Variants in DLGAP2 observed in about 807,000 individuals in gnomAD.
DLGAP2 encodes DLG associated protein 2.
A neutral mutation model predicts 100.3 loss-of-function variants in DLGAP2; 26 were observed. That is an observed-to-expected ratio of 0.26 (90% CI 0.19 to 0.36). The LOEUF (loss-of-function observed/expected upper bound fraction) is 0.36. Among genes scored for constraint, DLGAP2 ranks in the 10% least tolerant of loss-of-function variants. The pLI is 1.00. For missense variants in DLGAP2, 1,858 were observed against 1,453.2 expected (o/e 1.28, Z -4.53); for synonymous variants, 886 against 630.1 (o/e 1.41, Z -6.08).
At chr8:1,312,416 A>G (rs550508087) in intron 3 of DLGAP2, among the ~76,000 whole-genome samples, 9 of 152,342 alleles carry the variant, frequency 5.9e-5, no homozygotes, top group Non-Finnish European at 1.3e-4. Context: ...ATTTGACAAC[A>G]TCTTTGCAAA....
chr8:1,329,721 C>A (rs1396933888), intron 3 of DLGAP2, among the ~76,000 whole-genome samples: 1 of 152,190 alleles, frequency 6.6e-6, no homozygotes, highest in African/African-American at 2.4e-5. Context: ...CACCTTCTAA[C>A]AGCAGAGACC....
intron 1 of DLGAP2, among the ~76,000 whole-genome samples, chr8:885,030 T>C (rs950347904): frequency 1.3e-5 from 2 of 152,246 alleles, no homozygotes; most frequent in African/African-American, 4.8e-5. Context: ...TTTTGGTTAC[T>C]GTAGCCTTGT....
chr8:1,119,536 G>T (rs1795986714), intron 2 of DLGAP2, among the ~76,000 whole-genome samples: 1 of 152,210 alleles, frequency 6.6e-6, no homozygotes, highest in Admixed American at 6.5e-5. Flanking sequence ...GCAGATCGGG[G>T]TAGCAGGGGC....
At chr8:1,596,671 C>A (rs1034835561) in intron 6 of DLGAP2, among the ~76,000 whole-genome samples, 2 of 152,140 alleles carry the variant, frequency 1.3e-5, no homozygotes, top group Non-Finnish European at 2.9e-5. Flanking sequence ...TAAATGTCTT[C>A]TTCTGAGAAA....
At chr8:1,373,104 C>T (rs1404266349) in intron 3 of DLGAP2, among the ~76,000 whole-genome samples, 2 of 152,216 alleles carry the variant, frequency 1.3e-5, no homozygotes, top group Non-Finnish European at 2.9e-5. Flanking sequence ...CCGAGACCTC[C>T]GTGCCTGGGG....
intron 2 of DLGAP2, among the ~76,000 whole-genome samples, chr8:1,227,595 G>C (rs1417442875): frequency 6.6e-6 from 1 of 151,946 alleles, no homozygotes; most frequent in African/African-American, 2.4e-5. Flanking sequence ...CCAGGTTCAA[G>C]CAATTCTCAA....
intron 3 of DLGAP2, among the ~76,000 whole-genome samples, chr8:1,421,480 A>G (rs1261059559): frequency 1.3e-5 from 2 of 152,304 alleles, no homozygotes; most frequent in Middle Eastern, 3.4e-3. Context: ...GCATAGAATC[A>G]CTTTCATGCT....
chr8:1,240,417 C>G (rs749970279), intron 2 of DLGAP2, among the ~76,000 whole-genome samples: 1 of 151,044 alleles, frequency 6.6e-6, no homozygotes, highest in Non-Finnish European at 1.5e-5. Flanking sequence ...AGTTCTCTCA[C>G]ATGGCACCGT....
At chr8:825,435 C>T (rs1467641930) in intron 1 of DLGAP2, among the ~76,000 whole-genome samples, 1 of 152,198 alleles carries the variant, frequency 6.6e-6, no homozygotes, top group Non-Finnish European at 1.5e-5. Context: ...CCGGAGGCAG[C>T]CGCACTTCCT....
chr8:1,351,767 A>C (rs1299700836), intron 3 of DLGAP2, among the ~76,000 whole-genome samples: 20 of 75,806 alleles, frequency 2.6e-4, no homozygotes, highest in East Asian at 6.4e-4. Flanking sequence ...ATGTGTGGAA[A>C]GGCCGTGCGG....
chr8:1,345,282 A>G (rs55672131), intron 3 of DLGAP2, among the ~76,000 whole-genome samples: 4 of 120,920 alleles, frequency 3.3e-5, no homozygotes, highest in Admixed American at 8.7e-5. Context: ...TCTGCTTAAG[A>G]TGGAGGTTCA....
intron 3 of DLGAP2, among the ~76,000 whole-genome samples, chr8:1,350,010 C>A (rs1160755507): frequency 3.9e-5 from 6 of 152,238 alleles, no homozygotes; most frequent in African/African-American, 1.4e-4. Flanking sequence ...TATAACCTTA[C>A]AACTAATATA....
chr8:1,629,416 C>T (rs1797589558), intron 7 of DLGAP2, among the ~76,000 whole-genome samples: 1 of 152,190 alleles, frequency 6.6e-6, no homozygotes, highest in Non-Finnish European at 1.5e-5. Flanking sequence ...CTCCAGCCCC[C>T]TGCTCCCAGC....
At chr8:826,161 CT>C (rs991389354) in intron 1 of DLGAP2, among the ~76,000 whole-genome samples, 1 of 152,206 alleles carries the variant, frequency 6.6e-6, no homozygotes, top group Non-Finnish European at 1.5e-5. Flanking sequence ...GGATCTCATT[CT>C]TTTTTATGGC....
At chr8:1,519,021 G>A (rs1441817499) in intron 4 of DLGAP2, among the ~76,000 whole-genome samples, 1 of 152,252 alleles carries the variant, frequency 6.6e-6, no homozygotes, top group South Asian at 2.1e-4. Context: ...AATTTTGAGT[G>A]CCAGGATCTC....
intron 3 of DLGAP2, among the ~76,000 whole-genome samples, chr8:1,339,156 G>A (rs1245747557): frequency 7.0e-6 from 1 of 143,734 alleles, no homozygotes; most frequent in African/African-American, 2.6e-5. Flanking sequence ...CAGGACCCGG[G>A]AGGGAAGGCA....
chr8:1,092,744 A>C (rs1010279817), intron 2 of DLGAP2, among the ~76,000 whole-genome samples: 2 of 152,116 alleles, frequency 1.3e-5, no homozygotes, highest in African/African-American at 4.8e-5. Context: ...TTGGCCTGGG[A>C]GCCCAGATGT....
At chr8:1,228,385 A>G (rs780779468) in intron 2 of DLGAP2, among the ~76,000 whole-genome samples, 1 of 152,246 alleles carries the variant, frequency 6.6e-6, no homozygotes, top group Non-Finnish European at 1.5e-5. Flanking sequence ...AAACATTTAA[A>G]GGATAAATTA....
In DLGAP2 at chr8:1,549,026, C is replaced by A. The variant is rs569842232; in HGVS notation, c.573C>A (p.Asn191Lys). The change falls in exon 5 of 15, where the codon AAC becomes AAA. Residue 191 changes from asparagine (N) to lysine (K), a missense_variant. Transcript: ENST00000637795. ...CCAAGATCAACCGCATCCCGGCCAA[C>A]CTGCTGGACCAGTTCGAGAAGCAGC... Reference protein sequence around the residue: ...AGAKINRIPANLLDQFEKQLP... With the variant: ...AGAKINRIPAKLLDQFEKQLP... 3 of 1,596,560 alleles carry A rather than the reference C, an allele frequency of 1.9e-6. No homozygotes were observed. The highest frequency in any genetic ancestry group is 2.2e-5 in the East Asian group (1 of 44,508).
Sources: allele counts gnomAD v4.1 joint callset (sites outside exome capture counted in the v4.1 genomes callset), GRCh38; gene constraint gnomAD v4.1.1; transcripts MANE v1.5; gene names NCBI Gene and HGNC (gene_info 2026-07-23, HGNC 2026-07-21).